GRID1: variants seen among roughly 807,000 people sequenced by gnomAD.
GRID1 encodes glutamate receptor ionotropic, delta-1.
GRID1 carries 28 observed loss-of-function variants against 98.0 expected under a neutral mutation model. That is an observed-to-expected ratio of 0.29 (90% CI 0.21 to 0.39). The LOEUF (loss-of-function observed/expected upper bound fraction) is 0.39. Ranked by LOEUF, GRID1 falls within the 10% of genes least tolerant of loss-of-function variation. GRID1 has a pLI of 1.00. For missense variants in GRID1, 1,111 were observed against 1,340.5 expected (o/e 0.83, Z 2.67); for synonymous variants, 553 against 538.5 (o/e 1.03, Z -0.37).
chr10:86,173,855 T>C (rs1845532233), intron 3 of GRID1, among the ~76,000 whole-genome samples: 1 of 151,898 alleles, frequency 6.6e-6, no homozygotes, highest in Admixed American at 6.6e-5. Context: ...GATAGTTTAC[T>C]GAGAATGATG....
intron 5 of GRID1, among the ~76,000 whole-genome samples, chr10:85,878,006 A>T (rs1484033133): frequency 6.6e-6 from 1 of 152,238 alleles, no homozygotes; most frequent in Non-Finnish European, 1.5e-5. Context: ...AATCGACTGG[A>T]AGAAAGGGTA....
intron 8 of GRID1, among the ~76,000 whole-genome samples, chr10:85,782,254 A>C (rs1393688505): frequency 7.1e-6 from 1 of 141,526 alleles, no homozygotes; most frequent in Non-Finnish European, 1.6e-5. Context: ...ACACGCACTT[A>C]CACAGTAATC....
chr10:86,017,250 C>T (rs1252468573), intron 4 of GRID1, among the ~76,000 whole-genome samples: 1 of 152,230 alleles, frequency 6.6e-6, no homozygotes, highest in East Asian at 1.9e-4. Context: ...GAATTCCGGG[C>T]ACATGGGTAA....
intron 3 of GRID1, among the ~76,000 whole-genome samples, chr10:86,170,040 C>T (rs12770083): frequency 0.04 from 6,074 of 152,330 alleles, 178 homozygotes; most frequent in Middle Eastern, 0.061. Context: ...AGAAGACAGG[C>T]CTTTCCGCCC....
chr10:85,802,515 C>T (rs1842585804), intron 8 of GRID1, among the ~76,000 whole-genome samples: 1 of 151,838 alleles, frequency 6.6e-6, no homozygotes, highest in Non-Finnish European at 1.5e-5. Context: ...TGGTAAAATG[C>T]TTATTCGTAA....
intron 12 of GRID1, among the ~76,000 whole-genome samples, chr10:85,705,630 C>A (rs1388903566): frequency 6.6e-6 from 1 of 152,120 alleles, no homozygotes; most frequent in African/African-American, 2.4e-5. Context: ...CATCCTGATA[C>A]CAAGCCTGGT....
At chr10:85,626,882 A>G (rs1385441685) in intron 13 of GRID1, among the ~76,000 whole-genome samples, 1 of 152,164 alleles carries the variant, frequency 6.6e-6, no homozygotes, top group Non-Finnish European at 1.5e-5. Flanking sequence ...TGGAATGGCA[A>G]TTTGGTGGGG....
At chr10:85,614,958 T>C (rs1266502502) in intron 14 of GRID1, among the ~76,000 whole-genome samples, 3 of 152,184 alleles carry the variant, frequency 2.0e-5, no homozygotes, top group African/African-American at 7.2e-5. Context: ...TCCATGGTGA[T>C]ATTTTCGACT....
At chr10:85,742,492 A>G (rs1206452719) in intron 8 of GRID1, among the ~76,000 whole-genome samples, 2 of 152,210 alleles carry the variant, frequency 1.3e-5, no homozygotes, top group Non-Finnish European at 2.9e-5. Flanking sequence ...ATTTAAAAGC[A>G]CTACCTTTCT....
At chr10:85,763,273 G>A (rs149723140) in intron 8 of GRID1, among the ~76,000 whole-genome samples, 2 of 152,252 alleles carry the variant, frequency 1.3e-5, no homozygotes, top group East Asian at 3.9e-4. Flanking sequence ...GCCCAAGGAT[G>A]CCCACTGAGA....
intron 2 of GRID1, among the ~76,000 whole-genome samples, chr10:86,247,736 A>G (rs1218690629): frequency 6.6e-6 from 1 of 152,184 alleles, no homozygotes; most frequent in African/African-American, 2.4e-5. Flanking sequence ...CAAGCACACT[A>G]GACAGAGCAG....
At position 86,082,119 on chromosome 10, in the gene GRID1, C is replaced by T. The variant is rs538812538; in HGVS notation, c.726+56700G>A. ...AGGCAGTTACATGGATCTCACTGTACTTTTTCCTCAATTTTTCTGTAAACA... is the reference window on the plus strand; with the variant it reads ...AGGCAGTTACATGGATCTCACTGTATTTTTTCCTCAATTTTTCTGTAAACA... On this transcript the variant is annotated intron_variant, in intron 4 of 15. Transcript: ENST00000327946. Among the ~76,000 whole-genome samples, 4 of 152,266 alleles carry T rather than the reference C, an allele frequency of 2.6e-5. No individual in the cohort carries two copies. The South Asian group carries it at 8.3e-4, about 32-fold the overall frequency.
At chr10:86,288,778 C>T (rs1263550217) in intron 2 of GRID1, among the ~76,000 whole-genome samples, 2 of 152,214 alleles carry the variant, frequency 1.3e-5, no homozygotes, top group African/African-American at 2.4e-5. Context: ...TGTGCAGAGA[C>T]GGCCAGAGCG....
intron 4 of GRID1, among the ~76,000 whole-genome samples, chr10:86,027,756 A>G (rs114504310): frequency 0.01 from 1,529 of 152,294 alleles, 27 homozygotes; most frequent in African/African-American, 0.034. Context: ...TTTTGCCTAC[A>G]CATCAGACAT....
chr10:85,617,251 A>G (rs1339731934), intron 14 of GRID1, among the ~76,000 whole-genome samples: 4 of 124,610 alleles, frequency 3.2e-5, no homozygotes, highest in South Asian at 3.0e-4. Context: ...ATTTTTTTTG[A>G]GAACAGGGTC....
chr10:85,789,317 G>A (rs1842457314), intron 8 of GRID1, among the ~76,000 whole-genome samples: 1 of 152,184 alleles, frequency 6.6e-6, no homozygotes, highest in Admixed American at 6.5e-5. Context: ...TGTGCAGGCT[G>A]GTGCCCACCC....
At chr10:85,664,749 C>T (rs995518450) in intron 12 of GRID1, among the ~76,000 whole-genome samples, 1 of 152,156 alleles carries the variant, frequency 6.6e-6, no homozygotes, top group Non-Finnish European at 1.5e-5. Context: ...GAAGTCTTTC[C>T]TTTCAACTTT....
chr10:85,836,747 G>A (rs1842914824), intron 8 of GRID1, among the ~76,000 whole-genome samples: 1 of 152,174 alleles, frequency 6.6e-6, no homozygotes, highest in Non-Finnish European at 1.5e-5. Context: ...GATCTCTGTA[G>A]GGTGGTCTTG....
chr10:85,996,041 C>G (rs1315032136), intron 4 of GRID1, among the ~76,000 whole-genome samples: 1 of 152,240 alleles, frequency 6.6e-6, no homozygotes, highest in Non-Finnish European at 1.5e-5. Context: ...CAAACCTGAG[C>G]TGACATTGGT....
Sources: gnomAD v4.1 joint callset for allele counts (sites outside exome capture counted in the v4.1 genomes callset) on GRCh38, gnomAD v4.1.1 for gene constraint, MANE v1.5 for transcripts, NCBI Gene and HGNC (gene_info 2026-07-23, HGNC 2026-07-21) for gene names.